Variants in AKAP8 observed in about 807,000 individuals in gnomAD.
The protein encoded by AKAP8 is A-kinase anchor protein 8.
Under a neutral mutation model 67.5 loss-of-function variants are expected in AKAP8, and 24 were observed. The observed-to-expected ratio is 0.36, with a 90% CI of 0.26 to 0.50. The LOEUF is 0.50. AKAP8 is among the 20% of genes least tolerant of loss of function. The pLI is 0.97. For synonymous variants in AKAP8, 400 were observed against 371.1 expected (o/e 1.08, Z -0.90); for missense variants, 971 against 955.9 (o/e 1.02, Z -0.21).
At position 15,353,667 on chromosome 19, in the gene AKAP8, A is replaced by G. The variant is rs1212948449; in HGVS notation, c.*1248T>C. 6.6e-6 allele frequency: 1 copy of G among 152,180 alleles called. No individual in the cohort carries two copies. Among genetic ancestry groups the G allele is most frequent in the African/African-American group, 2.4e-5 (1 of 41,444 alleles). The allele number at this position is 152,180 out of a possible 1,614,324, so 9.4% of individuals were successfully genotyped here. A position where few individuals can be genotyped will look rare whatever the true frequency, so the allele number is the denominator to read the frequency against. Reference sequence around the variant, plus strand: ...TGAGTTAGCCCCTGGTATACAGTAGAGGCTCGGCAAATATTCTACAGCCTC... The same window carrying G: ...TGAGTTAGCCCCTGGTATACAGTAGGGGCTCGGCAAATATTCTACAGCCTC... On this transcript the variant is annotated 3_prime_UTR_variant, in exon 14 of 14. Transcript: ENST00000269701.
In AKAP8 at chr19:15,379,602, T is replaced by C. The variant is rs559202293; in HGVS notation, c.19+111A>G. 7.2e-3 allele frequency: 9,575 copies of C among 1,329,066 alleles called. 51 individuals are homozygous for C. Among genetic ancestry groups the C allele is most frequent in the Non-Finnish European group, 9.0e-3 (8,919 of 987,580 alleles). 82.3% of individuals were successfully genotyped at this position (1,329,066 alleles called of 1,614,324 possible). On this transcript the variant is annotated intron_variant, in intron 1 of 13. Transcript: ENST00000269701. ...TGGCCGCCTCTCCGGAGGGCCCAGC[T>C]GGGGCAACCACGCTCGGGACGAAGG...
chr19:15,369,267 G>A lies in AKAP8; in HGVS notation c.1072+879C>T, dbSNP rs968722161. ...GTCACCTTTGCTTTAGCATTGTGCC[G>A]CTAAGCGCTCGGGGCGCCCCGTGCT... is the stretch of plus-strand genomic sequence containing the variant. On this transcript the variant is annotated intron_variant, in intron 8 of 13. Transcript: ENST00000269701. This position sits in a 1 kb window ranked among gnomAD's most constrained non-coding sequence, Gnocchi z 4.6. 45 of 985,422 alleles carry A rather than the reference G, an allele frequency of 4.6e-5. No homozygotes were observed. In the African/African-American group the frequency reaches 6.1e-4, roughly 13 times the overall value. The allele number at this position is 985,422 out of a possible 1,614,324, so 61.0% of individuals were successfully genotyped here.
At chr19:15,378,018 G>C (rs1967283486) in intron 1 of AKAP8, among the ~76,000 whole-genome samples, 1 of 152,160 alleles carries the variant, frequency 6.6e-6, no homozygotes, top group South Asian at 2.1e-4. Context: ...GATGAGGCAG[G>C]AACATATCCA....
chr19:15,368,182 C>T (rs2145076307), intron 9 of AKAP8, 53 bp downstream of exon 9: 2 of 1,601,696 alleles, frequency 1.2e-6, no homozygotes, highest in Middle Eastern at 1.7e-4. Flanking sequence ...CTCGGCAGCG[C>T]CTCCACCGCA....
chr19:15,356,592 G>T (rs1335070093), intron 13 of AKAP8, among the ~76,000 whole-genome samples: 1 of 151,796 alleles, frequency 6.6e-6, no homozygotes, highest in Non-Finnish European at 1.5e-5. Context: ...GGCGAATCAA[G>T]ATTCAAATCC....
intron 1 of AKAP8, among the ~76,000 whole-genome samples, chr19:15,378,565 G>T (rs1339349770): frequency 6.6e-6 from 1 of 152,228 alleles, no homozygotes; most frequent in African/African-American, 2.4e-5. Flanking sequence ...AGGAGAGCCA[G>T]GCTGAGCCTT....
rs2048257985 is a variant in AKAP8 at position 15,353,452 on chromosome 19, T to G, written c.*1463A>C. 1 of 149,044 alleles carries G rather than the reference T, an allele frequency of 6.7e-6. No individual in the cohort carries two copies. The highest frequency in any genetic ancestry group is 6.7e-5 in the Admixed American group (1 of 14,826). 9.2% of individuals were successfully genotyped at this position (149,044 alleles called of 1,614,324 possible). ...AAGAGAACAAGCTTAAAAGGCATGCTCACCCTGCGATTAAGACGCATCTAC... is the reference window on the plus strand; with the variant it reads ...AAGAGAACAAGCTTAAAAGGCATGCGCACCCTGCGATTAAGACGCATCTAC... On this transcript the variant is annotated 3_prime_UTR_variant, in exon 14 of 14. Transcript: ENST00000269701.
chr19:15,378,698 C>G (rs968983560), intron 1 of AKAP8, among the ~76,000 whole-genome samples: 2 of 152,216 alleles, frequency 1.3e-5, no homozygotes, highest in African/African-American at 4.8e-5. Flanking sequence ...TCGACAACTT[C>G]TCGAGCTCCT....
rs1310980536 is a variant in AKAP8, at chr19:15,373,253, G to A, written c.459C>T (p.Asp153=). The A allele has an allele frequency of 6.2e-7, 1 of 1,613,906 alleles. No homozygotes were observed. The highest frequency in any genetic ancestry group is 1.3e-5 in the African/African-American group (1 of 74,944). ...GGTCGGACCCCAGGTCGAACTCATA[G>A]TCGTAGCTGTAGCTGGGGCGGTAGG... The part of the protein sequence containing the change: ...HNPYRPSYSY[D]YEFDLGSDRN... The change falls in exon 5 of 14, where the codon GAC becomes GAT. Residue 153 remains aspartate, a synonymous_variant. Coordinates refer to ENST00000269701, the MANE Select transcript of AKAP8 (RefSeq NM_005858.4).
chr19:15,375,631 ATTTTT>A (rs1227588775), intron 2 of AKAP8, among the ~76,000 whole-genome samples: 1 of 118,246 alleles, frequency 8.5e-6, no homozygotes, highest in Non-Finnish European at 1.6e-5. Context: ...CCAATGCAAG[ATTTTT>A]TTTTTGTTTT....
chr19:15,364,177 T>G (rs1247322102), intron 9 of AKAP8, among the ~76,000 whole-genome samples: 2 of 92,672 alleles, frequency 2.2e-5, no homozygotes, highest in African/African-American at 3.9e-5. Context: ...TTTTTTTTTT[T>G]GGAGATGGAG....
intron 13 of AKAP8, among the ~76,000 whole-genome samples, chr19:15,357,130 T>C (rs956360087): frequency 4.6e-5 from 7 of 151,666 alleles, no homozygotes; most frequent in Non-Finnish European, 7.4e-5. Flanking sequence ...GCTAATTTTT[T>C]TTTTATTTTT....
At chr19:15,372,118 C>T in intron 6 of AKAP8, 100 bp downstream of exon 6, 1 of 1,608,256 alleles carries the variant, frequency 6.2e-7, no homozygotes, top group African/African-American at 1.3e-5. Flanking sequence ...TGAAACATGC[C>T]ACCTGCGAGT....
chr19:15,372,786 T>C, intron 5 of AKAP8, 65 bp downstream of exon 5: 1 of 1,452,986 alleles, frequency 6.9e-7, no homozygotes, highest in Non-Finnish European at 9.0e-7. Flanking sequence ...TGGGGAAATT[T>C]TACCTCAATA....
At chr19:15,379,415 G>T in intron 1 of AKAP8, 1 of 384,270 alleles carries the variant, frequency 2.6e-6, no homozygotes, top group Non-Finnish European at 4.6e-6. Flanking sequence ...GAAGGTGAGG[G>T]GCAAAAACGG....
intron 6 of AKAP8, 83 bp from the exon 7 acceptor site, chr19:15,372,081 G>C: frequency 6.2e-7 from 1 of 1,609,684 alleles, no homozygotes; most frequent in Non-Finnish European, 8.5e-7. Context: ...GCCATCCAGG[G>C]TGAGTCTGCC....
intron 2 of AKAP8, among the ~76,000 whole-genome samples, chr19:15,375,194 A>G (rs1967231102): frequency 6.6e-6 from 1 of 152,282 alleles, no homozygotes; most frequent in East Asian, 1.9e-4. Flanking sequence ...TCGTGCCCTA[A>G]AACACGGGCT....
At chr19:15,362,587 T>TAAC (rs1367269582) in intron 9 of AKAP8, among the ~76,000 whole-genome samples, 1 of 151,396 alleles carries the variant, frequency 6.6e-6, no homozygotes, top group Non-Finnish European at 1.5e-5. Context: ...CTCCAGCTCC[T>TAAC]AACCGCGAGT....
intron 9 of AKAP8, among the ~76,000 whole-genome samples, chr19:15,367,514 C>T (rs7251945): frequency 0.78 from 119,331 of 152,062 alleles, 47,024 homozygotes; most frequent in East Asian, 0.99. Flanking sequence ...GGCGACAGAG[C>T]AAGACTCCAT....
Sources: allele counts gnomAD v4.1 joint callset (sites outside exome capture counted in the v4.1 genomes callset), GRCh38; gene constraint gnomAD v4.1.1; non-coding constraint Gnocchi (gnomAD v3.1); transcripts MANE v1.5; gene names NCBI Gene and HGNC (gene_info 2026-07-23, HGNC 2026-07-21).